Variants in DMD observed in about 807,000 individuals in gnomAD.
DMD encodes the protein mutant dystrophin.
In DMD, 63 loss-of-function variants were observed where a neutral mutation model predicts 330.1. The ratio of observed to expected loss-of-function variants is 0.19; its 90% CI spans 0.16 to 0.24. DMD has a LOEUF of 0.24. DMD is among the 10% of genes least tolerant of loss of function. The probability of loss-of-function intolerance (pLI) is 1.00; values close to 1 mark genes in which losing one functional copy is unlikely to be tolerated. For synonymous variants in DMD, 1,223 were observed against 959.8 expected (o/e 1.27, Z -5.07); for missense variants, 3,344 against 2,684.1 (o/e 1.25, Z -5.43).
intron 63 of DMD, among the ~76,000 whole-genome samples, chrX:31,249,123 T>C (rs111691392): frequency 8.9e-6 from 1 of 112,143 alleles, no homozygotes; most frequent in Non-Finnish European, 1.9e-5. Flanking sequence ...TCAAAAACCT[T>C]AGTATAAAAA....
chrX:31,134,919 C>T (rs748452367), intron 76 of DMD, among the ~76,000 whole-genome samples: 14 of 111,336 alleles, frequency 1.3e-4, no homozygotes, highest in Non-Finnish European at 2.3e-4. Context: ...TGGGTGCGGT[C>T]GCTCATGCCT....
intron 22 of DMD, among the ~76,000 whole-genome samples, chrX:32,471,259 C>T (rs1381069945): frequency 8.9e-6 from 1 of 111,812 alleles, no homozygotes; most frequent in Non-Finnish European, 1.9e-5. Context: ...GCCTGGGCAA[C>T]AAGAATGAAA....
At chrX:31,176,094 T>G (rs951932169) in intron 71 of DMD, among the ~76,000 whole-genome samples, 2 of 111,542 alleles carry the variant, frequency 1.8e-5, no homozygotes, top group Non-Finnish European at 3.8e-5. Context: ...CTGGCTCTTA[T>G]GCCTGAATAG....
At chrX:31,288,206 G>A (rs1423372921) in intron 62 of DMD, among the ~76,000 whole-genome samples, 1 of 111,621 alleles carries the variant, frequency 9.0e-6, no homozygotes, top group Non-Finnish European at 1.9e-5. Context: ...GTAAGATGTT[G>A]TGGAGTAGTG....
At chrX:32,285,458 G>A in intron 43 of DMD, among the ~76,000 whole-genome samples, 1 of 111,972 alleles carries the variant, frequency 8.9e-6, no homozygotes, top group East Asian at 2.8e-4. Context: ...CTGTTACTCA[G>A]GCTGTAGTAC....
chrX:32,041,650 C>T (rs2405147), intron 44 of DMD, among the ~76,000 whole-genome samples: 48,943 of 109,429 alleles, frequency 0.45, 8,200 homozygotes, highest in Non-Finnish European at 0.52. Context: ...CATTGAAAGA[C>T]TCATTGTCTG....
chrX:31,204,529 A>T (rs1304198080), intron 66 of DMD, among the ~76,000 whole-genome samples: 2 of 112,502 alleles, frequency 1.8e-5, no homozygotes, highest in Admixed American at 9.4e-5. Context: ...TCAAAAATGT[A>T]CCACAGTTGG....
intron 9 of DMD, among the ~76,000 whole-genome samples, chrX:32,671,464 A>C (rs986279550): frequency 1.8e-5 from 2 of 111,605 alleles, no homozygotes; most frequent in Non-Finnish European, 3.8e-5. Context: ...TAAAACCATA[A>C]TCAGGATACT....
rs1249342424 is a variant in DMD at position 31,481,867 on chromosome X, G to T, written c.8548-2764C>A. Among the ~76,000 whole-genome samples the T allele has an allele frequency of 5.4e-5, 6 of 111,334 alleles. No individual in the cohort carries two copies. The Admixed American group carries it at 5.7e-4, about 11-fold the overall frequency. On this transcript the variant is annotated intron_variant, in intron 57 of 78. Transcript: ENST00000357033. ...GACATTTCCAGATTGTAAAACATGAGACACACAGGGCTAGCTGGTTTCTGC... is the reference window on the plus strand; with the variant it reads ...GACATTTCCAGATTGTAAAACATGATACACACAGGGCTAGCTGGTTTCTGC...
chrX:32,936,100 T>C (rs1161538539), intron 2 of DMD, among the ~76,000 whole-genome samples: 1 of 94,329 alleles, frequency 1.1e-5, no homozygotes, highest in Non-Finnish European at 2.1e-5. Context: ...ATTTCATAAC[T>C]TTACTTGTAT....
At chrX:32,200,539 T>C (rs2097030442) in intron 44 of DMD, among the ~76,000 whole-genome samples, 1 of 111,225 alleles carries the variant, frequency 9.0e-6, no homozygotes, top group African/African-American at 3.3e-5. Flanking sequence ...GTTTTACATG[T>C]CACATGTAAC....
At chrX:33,174,145 A>T (rs937912051) in intron 1 of DMD, among the ~76,000 whole-genome samples, 24 of 109,969 alleles carry the variant, frequency 2.2e-4, no homozygotes, top group African/African-American at 7.9e-4. Flanking sequence ...AACGACAAGG[A>T]GAACAAAAGA....
At chrX:31,937,899 C>T (rs1441348520) in intron 45 of DMD, among the ~76,000 whole-genome samples, 3 of 110,563 alleles carry the variant, frequency 2.7e-5, no homozygotes, top group East Asian at 2.8e-4. Context: ...CATTTCAATA[C>T]ATTTAGACAT....
At chrX:31,331,439 A>G (rs768988760) in intron 61 of DMD, among the ~76,000 whole-genome samples, 1 of 111,153 alleles carries the variant, frequency 9.0e-6, no homozygotes, top group African/African-American at 3.3e-5. Flanking sequence ...ACTCATGAAA[A>G]AAAAAAAGAA....
chrX:33,020,330 A>G (rs2093889678), intron 1 of DMD, 130 bp from the exon 2 acceptor site: 7 of 479,440 alleles, frequency 1.5e-5, no homozygotes, highest in Non-Finnish European at 2.5e-5. Context: ...TCATTGATAA[A>G]TGGAATTAAA....
chrX:33,084,947 A>G lies in DMD; in HGVS notation c.32-64747T>C, dbSNP rs1007876584. On this transcript the variant is annotated intron_variant, in intron 1 of 78. Transcript: ENST00000357033. The stretch of plus-strand genomic sequence containing the variant: ...AAACCCTTATACTTTATTTTACCAT[A>G]AACAAATGAGCTTTTAGTAATGAAT... Among the ~76,000 whole-genome samples, 3 of 110,751 alleles carry G rather than the reference A, an allele frequency of 2.7e-5. No homozygotes were observed. The Admixed American group carries it at 2.9e-4, about 11-fold the overall frequency.
chrX:33,008,493 C>G (rs2093441364), intron 2 of DMD, among the ~76,000 whole-genome samples: 1 of 110,284 alleles, frequency 9.1e-6, no homozygotes, highest in Non-Finnish European at 1.9e-5. Context: ...AATCCTTCTG[C>G]TGAAGCAAAG....
At chrX:33,198,630 T>A (rs1051228720) in intron 1 of DMD, among the ~76,000 whole-genome samples, 2 of 111,488 alleles carry the variant, frequency 1.8e-5, no homozygotes, top group Admixed American at 9.7e-5. Context: ...GTAACTTATT[T>A]AAAAATATAT....
At chrX:31,552,487 A>G (rs113099089) in intron 55 of DMD, among the ~76,000 whole-genome samples, 16,501 of 111,011 alleles carry the variant, frequency 0.15, 946 homozygotes, top group Middle Eastern at 0.25. Context: ...GCTGCTTCTT[A>G]CCAGGCAGAC....
Sources: allele counts gnomAD v4.1 joint callset (sites outside exome capture counted in the v4.1 genomes callset), GRCh38; gene constraint gnomAD v4.1.1; transcripts MANE v1.5; gene names NCBI Gene and HGNC (gene_info 2026-07-23, HGNC 2026-07-21).